Variants in GSK3B observed in about 807,000 individuals in gnomAD.
GSK3B encodes the protein glycogen synthase kinase 3 beta, also known as glycogen synthase kinase-3 beta.
A neutral mutation model predicts 56.4 loss-of-function variants in GSK3B; 15 were observed. The observed-to-expected ratio is 0.27, with a 90% CI of 0.18 to 0.41. The LOEUF is 0.41. Ranked by LOEUF, GSK3B falls within the 10% of genes least tolerant of loss-of-function variation. GSK3B has a pLI of 1.00. For synonymous variants in GSK3B, 181 were observed against 188.9 expected, an observed-to-expected ratio of 0.96 and a Z score of 0.34; for missense variants, 300 against 513.4, an observed-to-expected ratio of 0.58 and a Z score of 4.02.
chr3:120,001,017 C>T (rs13322562), intron 2 of GSK3B, among the ~76,000 whole-genome samples: 8,849 of 149,672 alleles, frequency 0.059, 864 homozygotes, highest in African/African-American at 0.21. Flanking sequence ...CTCTGCCTCC[C>T]GGGTTCACGC....
chr3:120,045,551 C>T (rs1009807496), intron 1 of GSK3B, among the ~76,000 whole-genome samples: 12 of 152,274 alleles, frequency 7.9e-5, no homozygotes, highest in South Asian at 4.1e-4. Context: ...TTAAATTGTG[C>T]GGTTCAACCC....
At chr3:119,926,186 A>C (rs1209612586) in intron 3 of GSK3B, among the ~76,000 whole-genome samples, 2 of 152,106 alleles carry the variant, frequency 1.3e-5, no homozygotes, top group Non-Finnish European at 2.9e-5. Flanking sequence ...CTATACACTG[A>C]TTATATATAA....
intron 8 of GSK3B, among the ~76,000 whole-genome samples, chr3:119,872,845 A>C (rs1317113472): frequency 6.6e-6 from 1 of 152,182 alleles, no homozygotes; most frequent in Non-Finnish European, 1.5e-5. Flanking sequence ...GCAGTGTTTA[A>C]ACTAGATTCT....
intron 4 of GSK3B, 57 bp downstream of exon 4, chr3:119,923,316 C>G (rs2056861280): frequency 1.2e-6 from 1 of 840,744 alleles, no homozygotes; most frequent in African/African-American, 1.7e-5. Context: ...AAAAGAGGCT[C>G]TCCTTGGTTC....
intron 1 of GSK3B, among the ~76,000 whole-genome samples, chr3:120,073,851 AAATAGAG>A (rs1231302134): frequency 6.6e-6 from 1 of 152,228 alleles, no homozygotes; most frequent in Non-Finnish European, 1.5e-5. Context: ...AAGTTGCTTA[AAATAGAG>A]AATAGACAAC....
intron 9 of GSK3B, among the ~76,000 whole-genome samples, chr3:119,860,113 G>A (rs1172498257): frequency 3.9e-5 from 6 of 152,294 alleles, no homozygotes; most frequent in Non-Finnish European, 7.4e-5. Flanking sequence ...TGAGATTGGG[G>A]ATGTGTGTGA....
At chr3:119,964,578 A>G (rs1020916172) in intron 2 of GSK3B, among the ~76,000 whole-genome samples, 1 of 152,192 alleles carries the variant, frequency 6.6e-6, no homozygotes, top group Non-Finnish European at 1.5e-5. Flanking sequence ...TAGACAATAG[A>G]ATGGTGGTTA....
At chr3:120,011,480 A>G (rs1011828127) in intron 1 of GSK3B, among the ~76,000 whole-genome samples, 1 of 152,236 alleles carries the variant, frequency 6.6e-6, no homozygotes, top group Non-Finnish European at 1.5e-5. Flanking sequence ...TATTAAAAGC[A>G]GAGTGGAAAG....
intron 1 of GSK3B, among the ~76,000 whole-genome samples, chr3:120,033,289 G>C (rs1345074966): frequency 1.3e-5 from 2 of 152,122 alleles, no homozygotes; most frequent in Non-Finnish European, 2.9e-5. Flanking sequence ...TAGCTATTAT[G>C]AATAATGCTA....
chr3:119,884,873 A>G (rs2056417433), intron 7 of GSK3B, among the ~76,000 whole-genome samples: 1 of 152,034 alleles, frequency 6.6e-6, no homozygotes, highest in South Asian at 2.1e-4. Context: ...AATAAAATGA[A>G]CATCAACATT....
intron 7 of GSK3B, among the ~76,000 whole-genome samples, chr3:119,904,579 T>C (rs1197525854): frequency 6.6e-6 from 1 of 152,166 alleles, no homozygotes; most frequent in South Asian, 2.1e-4. Context: ...CCTATTTTTA[T>C]AGAATGAAGT....
At chr3:120,083,885 T>C (rs1040256456) in intron 1 of GSK3B, among the ~76,000 whole-genome samples, 1 of 152,228 alleles carries the variant, frequency 6.6e-6, no homozygotes, top group Non-Finnish European at 1.5e-5. Context: ...AATGGCCATG[T>C]ATTACATAAA....
At chr3:120,019,877 A>G (rs1216259723) in intron 1 of GSK3B, among the ~76,000 whole-genome samples, 1 of 152,238 alleles carries the variant, frequency 6.6e-6, no homozygotes, top group Non-Finnish European at 1.5e-5. Flanking sequence ...ATTATGTGTC[A>G]CTGTAAATAT....
chr3:119,962,382 AAAAAAAAACAAAAAC>A (rs1329468885), intron 2 of GSK3B, among the ~76,000 whole-genome samples: 3 of 151,668 alleles, frequency 2.0e-5, no homozygotes, highest in East Asian at 3.9e-4. Context: ...TCTCAAAAAA[AAAAAAAAACAAAAAC>A]AAAAAAACAA....
intron 1 of GSK3B, among the ~76,000 whole-genome samples, chr3:120,083,730 T>A (rs978118030): frequency 6.6e-6 from 1 of 152,156 alleles, no homozygotes; most frequent in Non-Finnish European, 1.5e-5. Context: ...AGCATATTCA[T>A]ACTAGTCAAA....
In GSK3B at chr3:119,997,598, T is replaced by C. The variant is rs375800624; in HGVS notation, c.282+4448A>G. ...TACACAATTTTAATCAAATCTAAAG[T>C]TTGTTTTTGTTTTGTTGGGGTTGCA... is the stretch of plus-strand genomic sequence containing the variant. On this transcript the variant is annotated intron_variant, in intron 2 of 10. Coordinates refer to ENST00000264235, the MANE Select transcript of GSK3B (RefSeq NM_001146156.2). Among the ~76,000 whole-genome samples, 7 of 152,292 alleles carry C rather than the reference T, an allele frequency of 4.6e-5. No homozygotes were observed. The East Asian group carries it at 7.7e-4, about 17-fold the overall frequency.
intron 1 of GSK3B, among the ~76,000 whole-genome samples, chr3:120,015,291 C>T (rs2057814124): frequency 6.6e-6 from 1 of 152,204 alleles, no homozygotes; most frequent in Non-Finnish European, 1.5e-5. Flanking sequence ...TGCCCTATCA[C>T]GGTACTTATC....
chr3:120,016,408 C>A (rs1262751731), intron 1 of GSK3B, among the ~76,000 whole-genome samples: 2 of 152,120 alleles, frequency 1.3e-5, no homozygotes, highest in South Asian at 4.1e-4. Flanking sequence ...GGAAAATTTA[C>A]GGTGTTCAAA....
At chr3:119,826,919 A>G in intron 10 of GSK3B, 64 bp from the exon 11 acceptor site, 1 of 998,096 alleles carries the variant, frequency 1.0e-6, no homozygotes. Context: ...GAGAACAAGT[A>G]CACTGTTTCA....
Sources: gnomAD v4.1 joint callset for allele counts (sites outside exome capture counted in the v4.1 genomes callset) on GRCh38, gnomAD v4.1.1 for gene constraint, MANE v1.5 for transcripts, NCBI Gene and HGNC (gene_info 2026-07-23, HGNC 2026-07-21) for gene names.